Variants in EIF3L observed in about 807,000 individuals in gnomAD.
The protein encoded by EIF3L is eukaryotic translation initiation factor 3 subunit L, also known as eIEF associated protein HSPC021.
Under a neutral mutation model 74.6 loss-of-function variants are expected in EIF3L, and 32 were observed. That is an observed-to-expected ratio of 0.43 (90% confidence interval 0.32 to 0.58). The LOEUF (loss-of-function observed/expected upper bound fraction) is 0.58. Among genes scored for constraint, EIF3L ranks in the 20% least tolerant of loss-of-function variants. The pLI, the probability that EIF3L is intolerant of heterozygous loss-of-function variation, is 0.06. For synonymous variants in EIF3L, 256 were observed against 254.4 expected (o/e 1.01, Z -0.06); for missense variants, 474 against 707.8 (o/e 0.67, Z 3.75).
rs893377579 is a variant in EIF3L, at chr22:37,888,655, G to A, written c.*191G>A. 5 of 604,800 alleles carry A rather than the reference G, an allele frequency of 8.3e-6. No individual in the cohort carries two copies. The highest frequency in any genetic ancestry group is 7.4e-5 in the African/African-American group (4 of 54,028). The allele number at this position is 604,800 out of a possible 1,614,324, so 37.5% of individuals were successfully genotyped here. ...GATTTGTCGTCTCATTATTGTAGGA[G>A]AGAATTTGTGGGTTGTGGCAGTAAT... On this transcript the variant is annotated 3_prime_UTR_variant, in exon 13 of 13. Transcript: ENST00000652021.
At chr22:37,867,954 CAAAAAAA>C (rs540704187) in intron 7 of EIF3L, among the ~76,000 whole-genome samples, 1 of 60,734 alleles carries the variant, frequency 1.6e-5, no homozygotes, top group South Asian at 5.3e-4. Flanking sequence ...GACTCCATCT[CAAAAAAA>C]AAAAAAAAAG....
chr22:37,879,536 C>T (rs1926936985), intron 11 of EIF3L: 2 of 152,212 alleles, frequency 1.3e-5, no homozygotes, highest in African/African-American at 4.8e-5. Context: ...GAGGAAGAGC[C>T]TTCCAGGCAG....
At chr22:37,874,597 T>G in intron 9 of EIF3L, 73 bp downstream of exon 9, 3 of 1,489,442 alleles carry the variant, frequency 2.0e-6, no homozygotes, top group Non-Finnish European at 2.7e-6. Flanking sequence ...TCTGATCTCT[T>G]AGGACAAATT....
chr22:37,882,643 C>G (rs1927108647), intron 11 of EIF3L: 1 of 152,140 alleles, frequency 6.6e-6, no homozygotes. Flanking sequence ...TGCCACTGCA[C>G]TCCAGCCTGG....
At chr22:37,867,698 T>A (rs1926225839) in intron 7 of EIF3L, among the ~76,000 whole-genome samples, 1 of 149,004 alleles carries the variant, frequency 6.7e-6, no homozygotes, top group Non-Finnish European at 1.5e-5. Context: ...TTCACACCTG[T>A]AATCCCAGCA....
At chr22:37,866,129 G>A (rs1263822494) in intron 7 of EIF3L, among the ~76,000 whole-genome samples, 1 of 152,206 alleles carries the variant, frequency 6.6e-6, no homozygotes, top group Non-Finnish European at 1.5e-5. Flanking sequence ...TGGAAGGAAA[G>A]GCACCTTGTT....
chr22:37,859,867 C>T (rs1352259845), intron 5 of EIF3L, among the ~76,000 whole-genome samples: 1 of 151,922 alleles, frequency 6.6e-6, no homozygotes, highest in African/African-American at 2.4e-5. Flanking sequence ...CAAAAATAAG[C>T]TGGGCGTGGT....
chr22:37,875,229 C>A (rs1463353232), intron 9 of EIF3L, among the ~76,000 whole-genome samples: 1 of 148,232 alleles, frequency 6.7e-6, no homozygotes, highest in Non-Finnish European at 1.5e-5. Context: ...AAAAAAAAAA[C>A]TAGCTGGGTA....
At chr22:37,863,831 A>C (rs1251635024) in intron 7 of EIF3L, among the ~76,000 whole-genome samples, 1 of 151,890 alleles carries the variant, frequency 6.6e-6, no homozygotes, top group Non-Finnish European at 1.5e-5. Context: ...TTTGGGAGGC[A>C]GAGGCGGGCA....
At chr22:37,881,897 T>C (rs563168367) in intron 11 of EIF3L, 2 of 152,326 alleles carry the variant, frequency 1.3e-5, no homozygotes, top group African/African-American at 4.8e-5. Flanking sequence ...CCAGGTACAG[T>C]GGCTTATAGC....
At chr22:37,881,480 C>G (rs1265525476) in intron 11 of EIF3L, 1 of 152,218 alleles carries the variant, frequency 6.6e-6, no homozygotes, top group Non-Finnish European at 1.5e-5. Context: ...ACAATCTTGG[C>G]TCACCGGAAC....
At chr22:37,886,909 GT>G (rs764581692) in intron 12 of EIF3L, 64 bp downstream of exon 12, 2 of 1,346,998 alleles carry the variant, frequency 1.5e-6, no homozygotes, top group Non-Finnish European at 1.0e-6. Context: ...TGAATCGAGA[GT>G]TTACTTTTTT....
At chr22:37,867,591 A>C (rs1926217850) in intron 7 of EIF3L, among the ~76,000 whole-genome samples, 1 of 146,570 alleles carries the variant, frequency 6.8e-6, no homozygotes, top group South Asian at 2.2e-4. Flanking sequence ...CGAGAGGCAG[A>C]GGTTGCAGTG....
intron 2 of EIF3L, among the ~76,000 whole-genome samples, chr22:37,851,065 CAG>C (rs1434609297): frequency 2.0e-5 from 3 of 152,158 alleles, no homozygotes; most frequent in African/African-American, 4.8e-5. Context: ...GGGTGCAAAA[CAG>C]ATAATAAGTG....
At position 37,858,758 on chromosome 22, in the gene EIF3L, G is replaced by T; in HGVS notation, c.435+18G>T. ...AAGTCAGTGTAAGTATTTAAGTGTC[G>T]CAGTTTTTTTTTTGTTTTTGTTTTT... On this transcript the variant is annotated intron_variant, in intron 5 of 12. Transcript: ENST00000652021. The T allele has an allele frequency of 6.3e-7, 1 of 1,584,650 alleles. No individual in the cohort carries two copies.
chr22:37,859,993 CAG>C (rs1390227440), intron 5 of EIF3L, among the ~76,000 whole-genome samples: 2 of 152,016 alleles, frequency 1.3e-5, no homozygotes, highest in East Asian at 3.9e-4. Flanking sequence ...GCCTGGGTGA[CAG>C]AGTGAGACTC....
At chr22:37,864,959 A>G (rs192230793) in intron 7 of EIF3L, among the ~76,000 whole-genome samples, 1 of 152,364 alleles carries the variant, frequency 6.6e-6, no homozygotes, top group Admixed American at 6.5e-5. Flanking sequence ...TACTACGTAT[A>G]GAGTGTTTAG....
chr22:37,851,783 A>G (rs11703007), intron 3 of EIF3L, among the ~76,000 whole-genome samples: 41,605 of 152,086 alleles, frequency 0.27, 5,986 homozygotes, highest in African/African-American at 0.36. Flanking sequence ...CTCCAGCCTC[A>G]GCTTCCCGAG....
intron 7 of EIF3L, among the ~76,000 whole-genome samples, chr22:37,869,828 G>A (rs1041817775): frequency 5.9e-5 from 9 of 152,154 alleles, no homozygotes; most frequent in African/African-American, 1.9e-4. Context: ...AAGAGCCCCT[G>A]TGGTGTTTCT....
Sources: gnomAD v4.1 joint callset for allele counts (sites outside exome capture counted in the v4.1 genomes callset) on GRCh38, gnomAD v4.1.1 for gene constraint, MANE v1.5 for transcripts, NCBI Gene and HGNC (gene_info 2026-07-23, HGNC 2026-07-21) for gene names.